COL7A1: variants seen among roughly 807,000 people sequenced by gnomAD.
COL7A1 encodes collagen alpha-1(VII) chain.
In COL7A1, 296 loss-of-function variants were observed where a neutral mutation model predicts 456.2. The observed-to-expected ratio is 0.65, with a 90% confidence interval of 0.59 to 0.71. The LOEUF (loss-of-function observed/expected upper bound fraction) is 0.71, where lower values mean the gene tolerates loss of function less well. Among genes scored for constraint, COL7A1 ranks in the 30% least tolerant of loss-of-function variants. COL7A1 has a pLI of 0.00. For missense variants in COL7A1, 3,441 were observed against 4,017.2 expected (o/e 0.86, Z 3.88); for synonymous variants, 1,464 against 1,525.9 (o/e 0.96, Z 0.95).
rs2045970109 is a variant in COL7A1, at chr3:48,594,918, C to T, written c.85+157G>A. 6.6e-6 allele frequency among the ~76,000 whole-genome samples: 1 copy of T among 152,144 alleles called. No homozygotes were observed. Among genetic ancestry groups the T allele is most frequent in the South Asian group, 2.1e-4 (1 of 4,832 alleles). ...GCGGTTTAGGGAACCCAGCACCGAT[C>T]GCGGAGGGTTCGGGGAGTCCCAGAA... On this transcript the variant is annotated intron_variant, in intron 2 of 118. Transcript: ENST00000681320. This position sits in a 1 kb window ranked among gnomAD's most constrained non-coding sequence, Gnocchi z 5.5.
Position 48,587,587 on chromosome 3 carries a change from G to A in COL7A1, c.2858-33C>T, listed in dbSNP as rs2045365766. 9.3e-6 allele frequency: 15 copies of A among 1,613,316 alleles called. No homozygotes were observed. Among genetic ancestry groups the A allele is most frequent in the Non-Finnish European group, 1.3e-5 (15 of 1,179,972 alleles). ...AGGAATGAAAGATCGAGGATCAGAG[G>A]CTGAGTCCTGAGAACCCAGAAGGGA... On this transcript the variant is annotated intron_variant, in intron 22 of 118. Coordinates refer to ENST00000681320, the MANE Select transcript of COL7A1 (RefSeq NM_000094.4). This position sits in a 1 kb window ranked among gnomAD's most constrained non-coding sequence, Gnocchi z 6.1.
chr3:48,583,283 G>T lies in COL7A1; in HGVS notation c.4437+110C>A. 1 of 1,604,004 alleles carries T rather than the reference G, an allele frequency of 6.2e-7. No homozygotes were observed. Among genetic ancestry groups the T allele is most frequent in the South Asian group, 1.1e-5 (1 of 90,372 alleles). On this transcript the variant is annotated intron_variant, in intron 42 of 118. Coordinates refer to ENST00000681320, the MANE Select transcript of COL7A1 (RefSeq NM_000094.4). This position sits in a 1 kb window ranked among gnomAD's most constrained non-coding sequence, Gnocchi z 5.1. ...CTCCAACCACCCCCTCCAAAACCAC[G>T]ACCTCTGACCTGGAGGGAACTCTTA... is the stretch of plus-strand genomic sequence containing the variant.
Position 48,595,279 on chromosome 3 carries a change from C to T in COL7A1, c.-13G>A, listed in dbSNP as rs1426743385. On this transcript the variant is annotated 5_prime_UTR_variant, in exon 1 of 119. Transcript: ENST00000681320. The stretch of plus-strand genomic sequence containing the variant: ...AGTCCTGGTCTTGCCTGCGCGTCCG[C>T]CCGCTCCCGCCGCCGCCGCTGCAGT... 12 of 783,418 alleles carry T rather than the reference C, an allele frequency of 1.5e-5. No homozygotes were observed. The Admixed American group carries it at 2.5e-4, about 16-fold the overall frequency. 48.5% of individuals were successfully genotyped at this position (783,418 alleles called of 1,614,324 possible). A position where few individuals can be genotyped will look rare whatever the true frequency, so the allele number is the denominator to read the frequency against.
Position 48,567,392 on chromosome 3 carries a change from G to A in COL7A1, c.8046+182C>T. The A allele has an allele frequency of 1.0e-6, 1 of 952,980 alleles. No individual in the cohort carries two copies. The highest frequency in any genetic ancestry group is 1.4e-5 in the South Asian group (1 of 71,966). 59.0% of individuals were successfully genotyped at this position (952,980 alleles called of 1,614,324 possible). ...TGCACATGCCCCCTCCACCTCCCAT[G>A]CTTTCATCCTAACTCCACTGTGACC... is the stretch of plus-strand genomic sequence containing the variant. On this transcript the variant is annotated intron_variant, in intron 109 of 118. Transcript: ENST00000681320. The surrounding 1 kb of genome is among the most constrained non-coding windows in gnomAD (Gnocchi z 4.3).
rs745849456 is a variant in COL7A1, at chr3:48,588,854, C to T, written c.2440+16G>A. 14 of 1,613,262 alleles carry T rather than the reference C, an allele frequency of 8.7e-6. No homozygotes were observed. The highest frequency in any genetic ancestry group is 3.3e-5 in the Admixed American group (2 of 60,010). On this transcript the variant is annotated intron_variant, in intron 19 of 118. Coordinates refer to ENST00000681320, the MANE Select transcript of COL7A1 (RefSeq NM_000094.4). The surrounding 1 kb of genome is among the most constrained non-coding windows in gnomAD (Gnocchi z 4.6). ...TCCCAGCCAGGAAGGACAGGGGTGG[C>T]GTCAGGGAGCCATACCTTCACTCCG... is the stretch of plus-strand genomic sequence containing the variant.
Position 48,583,841 on chromosome 3 carries a change from C to T in COL7A1, c.4278+59G>A. 1.2e-6 allele frequency: 2 copies of T among 1,613,134 alleles called. No homozygotes were observed. Among genetic ancestry groups the T allele is most frequent in the Non-Finnish European group, 1.7e-6 (2 of 1,179,336 alleles). ...TATGAAGCCCAGCACCCAACCACTG[C>T]CCCAGGAGAGACCCACACCCCTGAG... On this transcript the variant is annotated intron_variant, in intron 39 of 118. Transcript: ENST00000681320. This position sits in a 1 kb window ranked among gnomAD's most constrained non-coding sequence, Gnocchi z 5.1.
In COL7A1 at chr3:48,575,656, G is replaced by A. The variant is rs1023875110; in HGVS notation, c.5949C>T (p.Asp1983=). 1.2e-6 allele frequency: 2 copies of A among 1,613,548 alleles called. No individual in the cohort carries two copies. Among genetic ancestry groups the A allele is most frequent in the African/African-American group, 1.3e-5 (1 of 75,074 alleles). Residue 1983 remains aspartate, a synonymous_variant, in exon 73 of 119, where the codon GAC becomes GAT. Transcript: ENST00000681320. This position sits in a 1 kb window ranked among gnomAD's most constrained non-coding sequence, Gnocchi z 6.3. The stretch of plus-strand genomic sequence containing the variant: ...TGCCTGGGGGGCCCTGTTCGCCTGA[G>A]TCCCCCTTGGGGCCTCGACGCCGTT... ...VPERRRGPKG[D]SGEQGPPGKE...
rs2045124635 is a variant in COL7A1 at position 48,584,926 on chromosome 3, C to T, written c.3995G>A (p.Gly1332Asp). 1 of 1,613,996 alleles carries T rather than the reference C, an allele frequency of 6.2e-7. No individual in the cohort carries two copies. The highest frequency in any genetic ancestry group is 8.5e-7 in the Non-Finnish European group (1 of 1,180,022). Residue 1332 changes from glycine (G) to aspartate (D), a missense_variant, in exon 34 of 119, where the codon GGC (glycine) becomes GAC (aspartate). This residue lies in a region of COL7A1 where 2,084 missense variants were observed against 2,501.3 expected (regional missense o/e 0.83). Coordinates refer to ENST00000681320, the MANE Select transcript of COL7A1 (RefSeq NM_000094.4). The part of the protein sequence containing the change: ...PGLKGSPGLP[G>D]PRGDPGERGP... ...GCACCTTACCGGGTCCCCACGAGGG[C>T]CAGGCAACCCTGGAGAGCCCTGCAA...
chr3:48,590,778 C>A lies in COL7A1; in HGVS notation c.1675G>T (p.Ala559Ser), dbSNP rs749512247. ...GCCTGAACGTCATCCAAGTCGAATGCTGTCTGACTCCCAGGAAGCACCAGG... is the reference window on the plus strand; with the variant it reads ...GCCTGAACGTCATCCAAGTCGAATGATGTCTGACTCCCAGGAAGCACCAGG... ...RTLVLPGSQT[A>S]FDLDDVQAGL... is the part of the protein sequence containing the mutation. The change falls in exon 14 of 119, where the codon GCA becomes TCA. Residue 559 changes from alanine to serine, a missense_variant. By Grantham distance (99) the Ala-to-Ser change is moderately conservative. This residue lies in a region of COL7A1 where 913 missense variants were observed against 1,088.2 expected (regional missense o/e 0.84). Transcript: ENST00000681320. The surrounding 1 kb of genome is among the most constrained non-coding windows in gnomAD (Gnocchi z 4.6). 6.2e-7 allele frequency: 1 copy of A among 1,613,918 alleles called. No individual in the cohort carries two copies. The highest frequency in any genetic ancestry group is 8.5e-7 in the Non-Finnish European group (1 of 1,180,026).
rs770127444 is a variant in COL7A1, at chr3:48,571,339, C to T, written c.7069-61G>A. The T allele has an allele frequency of 8.2e-6, 13 of 1,594,948 alleles. No homozygotes were observed. Among genetic ancestry groups the T allele is most frequent in the African/African-American group, 1.3e-5 (1 of 74,520 alleles). On this transcript the variant is annotated intron_variant, in intron 92 of 118. Transcript: ENST00000681320. This position sits in a 1 kb window ranked among gnomAD's most constrained non-coding sequence, Gnocchi z 4.6. The stretch of plus-strand genomic sequence containing the variant: ...GGAACATGAGCACAGAGTTCAGACA[C>T]GGGCTGAAAATATTCCCAGGGGAGT...
At position 48,571,136 on chromosome 3, in the gene COL7A1, C is replaced by T. The variant is rs768597948; in HGVS notation, c.7129G>A (p.Gly2377Ser). ...GGAGGGCCAGGAGGCCCAGGGGAGC[C>T]CGGGACCCCGACTCCTGGGTCACCC... Reference protein sequence around the residue: ...FKGDPGVGVPGSPGPPGPPGV... With the variant: ...FKGDPGVGVPSSPGPPGPPGV... Residue 2377 changes from glycine (G) to serine (S), a missense_variant, in exon 94 of 119, where the codon GGC becomes AGC. Around this residue, in one of 3 missense-constraint regions of COL7A1, gnomAD observed 2,084 missense variants for 2,501.3 expected, o/e 0.83. Coordinates refer to ENST00000681320, the MANE Select transcript of COL7A1 (RefSeq NM_000094.4). The surrounding 1 kb of genome is among the most constrained non-coding windows in gnomAD (Gnocchi z 4.6). The T allele has an allele frequency of 4.3e-6, 7 of 1,613,888 alleles. No homozygotes were observed. In the Admixed American group the frequency reaches 6.7e-5, roughly 15 times the overall value.
In COL7A1 at chr3:48,593,064, G is replaced by C. The variant is rs976849740; in HGVS notation, c.682+38C>G. 4.2e-5 allele frequency: 68 copies of C among 1,614,056 alleles called. No homozygotes were observed. Among genetic ancestry groups the C allele is most frequent in the Non-Finnish European group, 5.6e-5 (66 of 1,179,986 alleles). The stretch of plus-strand genomic sequence containing the variant: ...CTGCCAAGTGGGGATTGGGGTCCGG[G>C]GTCTAGGTCAGGGTACACCGTGTGG... On this transcript the variant is annotated intron_variant, in intron 6 of 118. Transcript: ENST00000681320. The surrounding 1 kb of genome is among the most constrained non-coding windows in gnomAD (Gnocchi z 4.4).
chr3:48,590,825 GAA>G lies in COL7A1; in HGVS notation c.1637-11_1637-10del. The stretch of plus-strand genomic sequence containing the variant: ...CAGGGTCCGCTCAACCCCTAAGAGA[GAA>G]GTCAGGGTAGGTGGGCAGGGGTCAG... On this transcript the variant is annotated splice_polypyrimidine_tract_variant and intron_variant, in intron 13 of 118. Transcript: ENST00000681320. The surrounding 1 kb of genome is among the most constrained non-coding windows in gnomAD (Gnocchi z 4.6). The G allele has an allele frequency of 6.2e-7, 1 of 1,612,080 alleles. No individual in the cohort carries two copies. The highest frequency in any genetic ancestry group is 1.1e-5 in the South Asian group (1 of 91,078).
At position 48,594,967 on chromosome 3, in the gene COL7A1, G is replaced by A. The variant is rs1308255751; in HGVS notation, c.85+108C>T. On this transcript the variant is annotated intron_variant, in intron 2 of 118. Coordinates refer to ENST00000681320, the MANE Select transcript of COL7A1 (RefSeq NM_000094.4). The surrounding 1 kb of genome is among the most constrained non-coding windows in gnomAD (Gnocchi z 5.5). The stretch of plus-strand genomic sequence containing the variant: ...AATTAGGAGGAATCCGCGGGGCGTC[G>A]TGGAGTTGGCTGGGTTGTGGGCGGG... The A allele has an allele frequency of 1.6e-5, 15 of 910,294 alleles. No homozygotes were observed. Among genetic ancestry groups the A allele is most frequent in the Non-Finnish European group, 2.4e-5 (14 of 588,360 alleles). The allele number at this position is 910,294 out of a possible 1,614,324, so 56.4% of individuals were successfully genotyped here. A position where few individuals can be genotyped will look rare whatever the true frequency, so the allele number is the denominator to read the frequency against.
chr3:48,570,693 TG>T lies in COL7A1; in HGVS notation c.7289del (p.Pro2430GlnfsTer36), dbSNP rs1330515772. On this transcript the variant is annotated frameshift_variant, in exon 96 of 119. Coordinates refer to ENST00000681320, the MANE Select transcript of COL7A1 (RefSeq NM_000094.4). LOFTEE classifies it high-confidence loss of function. This position sits in a 1 kb window ranked among gnomAD's most constrained non-coding sequence, Gnocchi z 5.5. ...GGGGTCCTGGGATTCCTTCTCTCCC[TG>T]GGGGGCCTGCCAGACCCTACCAGAA... ...PSGERGLAGP[P>X]GREGIPGPLG... The T allele has an allele frequency of 1.9e-6, 3 of 1,581,400 alleles. No individual in the cohort carries two copies. The highest frequency in any genetic ancestry group is 3.6e-5 in the Admixed American group (2 of 55,824).
chr3:48,581,991 A>G lies in COL7A1; in HGVS notation c.4636-48T>C. 1 of 1,613,162 alleles carries G rather than the reference A, an allele frequency of 6.2e-7. No individual in the cohort carries two copies. The highest frequency in any genetic ancestry group is 8.5e-7 in the Non-Finnish European group (1 of 1,179,328). On this transcript the variant is annotated intron_variant, in intron 47 of 118. Coordinates refer to ENST00000681320, the MANE Select transcript of COL7A1 (RefSeq NM_000094.4). The surrounding 1 kb of genome is among the most constrained non-coding windows in gnomAD (Gnocchi z 5.8). The stretch of plus-strand genomic sequence containing the variant: ...CAGCTTGGCCCTGCCTTGGGGTTGT[A>G]TGATCAAAGTCTTCATTGGAATGGA...
In COL7A1 at chr3:48,574,197, ACAG is replaced by A. The variant is rs551365260; in HGVS notation, c.6501+62_6501+64del. On this transcript the variant is annotated intron_variant, in intron 80 of 118. Transcript: ENST00000681320. The surrounding 1 kb of genome is among the most constrained non-coding windows in gnomAD (Gnocchi z 5.0). ...CACACACACACAGACATGCACACACACAGCAGCAGCAGCACCTAGCGGAGGGTC... is the reference window on the plus strand; with the variant it reads ...CACACACACACAGACATGCACACACACAGCAGCAGCACCTAGCGGAGGGTC... The A allele has an allele frequency of 2.5e-4, 401 of 1,588,444 alleles. 5 individuals carry two copies. The South Asian group carries it at 3.9e-3, about 15-fold the overall frequency.
Position 48,576,683 on chromosome 3 carries a change from G to C in COL7A1, c.5693C>G (p.Pro1898Arg). 6.2e-7 allele frequency: 1 copy of C among 1,606,018 alleles called. No homozygotes were observed. Among genetic ancestry groups the C allele is most frequent in the African/African-American group, 1.3e-5 (1 of 74,970 alleles). Residue 1898 changes from proline (P) to arginine (R), a missense_variant, in exon 68 of 119, where the codon CCT (proline) becomes CGT (arginine). Physicochemically the swap from Pro to Arg is moderately radical, Grantham distance 103 (BLOSUM62 -2). Transcript: ENST00000681320. The stretch of plus-strand genomic sequence containing the variant: ...ATGACCCAGGACACTCACCTGGCCA[G>C]GAGGGCCCACTGGCCCTGGGAGGCC... ...PPGLPGPVGP[P>R]GQGFPGVPGG...
Position 48,585,293 on chromosome 3 carries a change from A to G in COL7A1, c.3895-177T>C, listed in dbSNP as rs2045160374. ...TCAGAGCTTCACAGAGCCCAATTCC[A>G]GGCACAAGGGCAGCGACAAGGCAGA... On this transcript the variant is annotated intron_variant, in intron 32 of 118. Coordinates refer to ENST00000681320, the MANE Select transcript of COL7A1 (RefSeq NM_000094.4). The surrounding 1 kb of genome is among the most constrained non-coding windows in gnomAD (Gnocchi z 4.5). Among the ~76,000 whole-genome samples the G allele has an allele frequency of 3.9e-5, 6 of 152,282 alleles. No individual in the cohort carries two copies. Among genetic ancestry groups the G allele is most frequent in the Admixed American group, 6.5e-5 (1 of 15,308 alleles).
Sources: allele counts gnomAD v4.1 joint callset (sites outside exome capture counted in the v4.1 genomes callset), GRCh38; gene constraint gnomAD v4.1.1; regional missense constraint gnomAD v4.1.1; non-coding constraint Gnocchi (gnomAD v3.1); transcripts MANE v1.5; gene names NCBI Gene and HGNC (gene_info 2026-07-23, HGNC 2026-07-21).